Variants in MGAT5 observed in about 807,000 individuals in gnomAD.
MGAT5 encodes the protein alpha-1,6-mannosylglycoprotein 6-beta-N-acetylglucosaminyltransferase A.
In MGAT5, 30 loss-of-function variants were observed where a neutral mutation model predicts 94.3. The observed-to-expected ratio is 0.32, with a 90% CI of 0.24 to 0.43. The LOEUF is 0.43. Ranked by LOEUF, MGAT5 falls within the 20% of genes least tolerant of loss-of-function variation. MGAT5 has a pLI of 1.00. For synonymous variants in MGAT5, 310 were observed against 322.9 expected (o/e 0.96, Z 0.43); for missense variants, 691 against 905.5 (o/e 0.76, Z 3.04).
intron 11 of MGAT5, among the ~76,000 whole-genome samples, chr2:134,412,210 A>G (rs1319253590): frequency 6.6e-6 from 1 of 152,076 alleles, no homozygotes; most frequent in African/African-American, 2.4e-5. Context: ...GGGGAAGCAC[A>G]TGGTTTGCCT....
chr2:134,447,736 C>G (rs1389652504), intron 15 of MGAT5, among the ~76,000 whole-genome samples: 2 of 152,240 alleles, frequency 1.3e-5, no homozygotes. Context: ...GAGGCCAAAA[C>G]TGTTGGGAAT....
chr2:134,365,490 G>GT (rs1226209824), intron 10 of MGAT5, among the ~76,000 whole-genome samples: 1 of 152,202 alleles, frequency 6.6e-6, no homozygotes, highest in Non-Finnish European at 1.5e-5. Flanking sequence ...AAAAAAATGC[G>GT]TCTGTGGCAG....
At chr2:134,300,755 G>A (rs1685967092) in intron 2 of MGAT5, among the ~76,000 whole-genome samples, 1 of 152,144 alleles carries the variant, frequency 6.6e-6, no homozygotes, top group African/African-American at 2.4e-5. Context: ...ATGTGAGCTT[G>A]TTGTAGAGTA....
intron 4 of MGAT5, among the ~76,000 whole-genome samples, chr2:134,319,255 G>T (rs1464798222): frequency 6.6e-6 from 1 of 152,156 alleles, no homozygotes; most frequent in African/African-American, 2.4e-5. Flanking sequence ...TTGTAAAGCA[G>T]CTGCCCCATT....
chr2:134,200,684 G>C (rs1221707703), intron 1 of MGAT5, among the ~76,000 whole-genome samples: 1 of 152,106 alleles, frequency 6.6e-6, no homozygotes, highest in African/African-American at 2.4e-5. Flanking sequence ...CAAAACAGAT[G>C]AGTTCTCTGC....
At chr2:134,249,125 C>T (rs992907366), upstream of MGAT5, among the ~76,000 whole-genome samples, 6 of 152,106 alleles carry the variant, frequency 3.9e-5, no homozygotes, top group African/African-American at 1.4e-4. Context: ...CTGCCCTGGT[C>T]TTGGCTGTGC....
At chr2:134,314,453 A>G (rs1039455970) in intron 2 of MGAT5, among the ~76,000 whole-genome samples, 23 of 152,292 alleles carry the variant, frequency 1.5e-4, no homozygotes, top group African/African-American at 5.5e-4. Context: ...GAACATGCCT[A>G]TGTTTATTCA....
At chr2:134,255,508 CAT>C (rs200909328) in intron 1 of MGAT5, among the ~76,000 whole-genome samples, 12 of 149,856 alleles carry the variant, frequency 8.0e-5, no homozygotes, top group South Asian at 2.1e-4. Context: ...CATATATACA[CAT>C]ATATATATAC....
intron 4 of MGAT5, among the ~76,000 whole-genome samples, chr2:134,320,643 A>C (rs892934088): frequency 6.6e-6 from 1 of 152,056 alleles, no homozygotes; most frequent in African/African-American, 2.4e-5. Context: ...TGCTGTTGTT[A>C]TTTGACCAAT....
intron 11 of MGAT5, among the ~76,000 whole-genome samples, chr2:134,409,384 A>G (rs956995014): frequency 1.3e-5 from 2 of 152,234 alleles, no homozygotes; most frequent in Admixed American, 6.5e-5. Flanking sequence ...TAACTAATCC[A>G]TAGACAGAAG....
chr2:134,224,369 G>A (rs995687453), intron 1 of MGAT5, among the ~76,000 whole-genome samples: 1 of 152,174 alleles, frequency 6.6e-6, no homozygotes, highest in Non-Finnish European at 1.5e-5. Flanking sequence ...TGGAAGACAG[G>A]GAGGGAGCTT....
intron 2 of MGAT5, among the ~76,000 whole-genome samples, chr2:134,279,774 C>T (rs1040555609): frequency 2.0e-5 from 3 of 152,142 alleles, no homozygotes; most frequent in Non-Finnish European, 2.9e-5. Context: ...TATGTGTATA[C>T]AGTTGTGATA....
At chr2:134,235,727 G>GT (rs111416761) in intron 1 of MGAT5, among the ~76,000 whole-genome samples, 19,088 of 149,280 alleles carry the variant, frequency 0.13, 1,277 homozygotes, top group Middle Eastern at 0.2. Flanking sequence ...TAATAATAGG[G>GT]GTTTTTTTTT....
intron 1 of MGAT5, among the ~76,000 whole-genome samples, chr2:134,248,687 T>C (rs1682418382): frequency 1.4e-4 from 1 of 7,250 alleles, no homozygotes; most frequent in Admixed American, 9.0e-4. Flanking sequence ...CGCTGTCCTA[T>C]GTGAATGTGT....
chr2:134,348,566 TG>T (rs1679152372), intron 8 of MGAT5, among the ~76,000 whole-genome samples: 1 of 152,202 alleles, frequency 6.6e-6, no homozygotes, highest in Non-Finnish European at 1.5e-5. Flanking sequence ...TACATTGAAG[TG>T]AAAATAAAAG....
intron 1 of MGAT5, among the ~76,000 whole-genome samples, chr2:134,242,247 G>A (rs1682015534): frequency 6.6e-6 from 1 of 152,196 alleles, no homozygotes; most frequent in Admixed American, 6.5e-5. Flanking sequence ...AGAGTTAGAT[G>A]TTTGGAAAAC....
intron 1 of MGAT5, among the ~76,000 whole-genome samples, chr2:134,146,567 A>G (rs1353333723): frequency 6.6e-6 from 1 of 152,152 alleles, no homozygotes; most frequent in African/African-American, 2.4e-5. Context: ...TTAAAAAAAA[A>G]AAATTGATTA....
intron 1 of MGAT5, among the ~76,000 whole-genome samples, chr2:134,125,455 T>C (rs558407243): frequency 7.0e-4 from 107 of 152,270 alleles, no homozygotes; most frequent in African/African-American, 2.4e-3. Context: ...GAGGGCTTCA[T>C]AGATACCCAG....
intron 2 of MGAT5, among the ~76,000 whole-genome samples, chr2:134,294,324 A>G (rs1196927020): frequency 3.3e-5 from 5 of 152,140 alleles, no homozygotes; most frequent in Non-Finnish European, 7.3e-5. Context: ...TCCAAGTCTT[A>G]ATATAAGGTC....
Sources: allele counts gnomAD v4.1 joint callset (sites outside exome capture counted in the v4.1 genomes callset), GRCh38; gene constraint gnomAD v4.1.1; transcripts MANE v1.5; gene names NCBI Gene and HGNC (gene_info 2026-07-23, HGNC 2026-07-21).